Variants in CTNNA3 observed in about 807,000 individuals in gnomAD.
CTNNA3 encodes the protein catenin alpha 3, also known as catenin alpha-3.
A neutral mutation model predicts 95.7 loss-of-function variants in CTNNA3; 76 were observed. That is an observed-to-expected ratio of 0.79 (90% CI 0.66 to 0.96). CTNNA3 has a LOEUF of 0.96. Among genes scored for constraint, CTNNA3 ranks in the 40% least tolerant of loss-of-function variants. The pLI, the probability that CTNNA3 is intolerant of heterozygous loss-of-function variation, is 0.00. For missense variants in CTNNA3, 1,191 were observed against 1,089.8 expected, an observed-to-expected ratio of 1.09 and a Z score of -1.31; for synonymous variants, 431 against 374.4, an observed-to-expected ratio of 1.15 and a Z score of -1.74.
At chr10:67,465,424 G>A (rs1252929790) in intron 5 of CTNNA3, among the ~76,000 whole-genome samples, 1 of 152,004 alleles carries the variant, frequency 6.6e-6, no homozygotes, top group African/African-American at 2.4e-5. Flanking sequence ...GGAAAGGAAA[G>A]GAAAAGAGAG....
intron 16 of CTNNA3, among the ~76,000 whole-genome samples, chr10:65,968,172 T>A (rs1258353198): frequency 1.3e-5 from 2 of 152,084 alleles, no homozygotes; most frequent in African/African-American, 4.8e-5. Flanking sequence ...GGAAAATCCT[T>A]TGAGCCTAGG....
At chr10:66,362,733 A>T (rs1199811679) in intron 12 of CTNNA3, among the ~76,000 whole-genome samples, 1 of 151,940 alleles carries the variant, frequency 6.6e-6, no homozygotes, top group East Asian at 2.0e-4. Flanking sequence ...AAAAAAAAAA[A>T]GGTAATTTGA....
At chr10:66,873,597 A>G (rs1012040862) in intron 7 of CTNNA3, among the ~76,000 whole-genome samples, 1 of 152,082 alleles carries the variant, frequency 6.6e-6, no homozygotes, top group African/African-American at 2.4e-5. Context: ...GAACCCAGAA[A>G]TAAAGCCACA....
chr10:67,346,924 G>A (rs942433381), intron 5 of CTNNA3, among the ~76,000 whole-genome samples: 30 of 151,790 alleles, frequency 2.0e-4, no homozygotes, highest in African/African-American at 6.3e-4. Context: ...TGCCTCCAAG[G>A]GACCACAGAG....
chr10:67,712,925 T>A (rs78937388), intron 1 of CTNNA3, among the ~76,000 whole-genome samples: 2 of 152,086 alleles, frequency 1.3e-5, no homozygotes, highest in Non-Finnish European at 2.9e-5. Context: ...AAAGCCAAAA[T>A]TGATAAATTG....
rs1297705989 is a variant in CTNNA3 at position 66,346,632 on chromosome 10, A to C, written c.1732+32520T>G. ...ACACTTGTTTGGTAACTGCTCTCAC[A>C]ACATAAATTTTGTATGACCAGTAAT... On this transcript the variant is annotated intron_variant, in intron 12 of 17. Coordinates refer to ENST00000433211, the MANE Select transcript of CTNNA3 (RefSeq NM_013266.4). Among the ~76,000 whole-genome samples the C allele has an allele frequency of 8.5e-5, 13 of 152,116 alleles. No individual in the cohort carries two copies. In the East Asian group the frequency reaches 2.5e-3, roughly 29 times the overall value.
intron 13 of CTNNA3, among the ~76,000 whole-genome samples, chr10:66,192,045 C>G (rs1326462074): frequency 1.3e-5 from 2 of 152,146 alleles, no homozygotes; most frequent in African/African-American, 4.8e-5. Flanking sequence ...ATGACAGCCT[C>G]TTGATATTAG....
At chr10:67,073,468 C>T (rs1856573204) in intron 7 of CTNNA3, among the ~76,000 whole-genome samples, 1 of 151,954 alleles carries the variant, frequency 6.6e-6, no homozygotes, top group South Asian at 2.1e-4. Context: ...AAATCCTTTG[C>T]CATCCTGATC....
chr10:66,360,812 C>T (rs200514971), intron 12 of CTNNA3, among the ~76,000 whole-genome samples: 9,503 of 51,692 alleles, frequency 0.18, 1,460 homozygotes, highest in Admixed American at 0.22. Context: ...TTCCTTCCTT[C>T]CTTCCTTTCT....
chr10:65,959,675 C>T (rs931242096), intron 17 of CTNNA3, among the ~76,000 whole-genome samples: 14 of 152,154 alleles, frequency 9.2e-5, no homozygotes, highest in Admixed American at 2.0e-4. Context: ...CAGGCATACA[C>T]CACCACACCT....
chr10:67,335,964 T>G lies in CTNNA3; in HGVS notation c.580-116094A>C, dbSNP rs1358799582. On this transcript the variant is annotated intron_variant, in intron 5 of 17. Transcript: ENST00000433211. ...TATTTTTCCAACACCATGTGCTCAC[T>G]TCCTGTCTCTGTGTCACATTTTGGT... Among the ~76,000 whole-genome samples, 3 of 152,128 alleles carry G rather than the reference T, an allele frequency of 2.0e-5. No individual in the cohort carries two copies. The East Asian group carries it at 5.8e-4, about 29-fold the overall frequency.
chr10:66,237,475 G>C (rs2089910991), intron 13 of CTNNA3, among the ~76,000 whole-genome samples: 2 of 100,102 alleles, frequency 2.0e-5, no homozygotes, highest in Non-Finnish European at 4.3e-5. Flanking sequence ...TAATACAAGA[G>C]ATATTTCTAA....
chr10:67,662,847 A>G (rs962152482), intron 1 of CTNNA3, among the ~76,000 whole-genome samples: 1 of 152,188 alleles, frequency 6.6e-6, no homozygotes, highest in Non-Finnish European at 1.5e-5. Context: ...TGAATTTAAT[A>G]TGGTATATAT....
chr10:66,095,961 G>T (rs1422498530), intron 14 of CTNNA3, among the ~76,000 whole-genome samples: 1 of 152,010 alleles, frequency 6.6e-6, no homozygotes, highest in Non-Finnish European at 1.5e-5. Flanking sequence ...ATCAAGCAAA[G>T]ACTGCATATT....
At chr10:67,655,860 T>C (rs1840009584) in intron 1 of CTNNA3, among the ~76,000 whole-genome samples, 1 of 151,204 alleles carries the variant, frequency 6.6e-6, no homozygotes. Context: ...TCACCATGCC[T>C]CAGAAAAATT....
chr10:66,679,668 T>C (rs4746626), intron 9 of CTNNA3, among the ~76,000 whole-genome samples: 84,168 of 151,908 alleles, frequency 0.55, 24,071 homozygotes, highest in African/African-American at 0.68. Flanking sequence ...AGGCATTGTA[T>C]AAAAATATAC....
At chr10:66,432,393 T>C (rs1285251004) in intron 11 of CTNNA3, among the ~76,000 whole-genome samples, 1 of 152,180 alleles carries the variant, frequency 6.6e-6, no homozygotes, top group Admixed American at 6.5e-5. Flanking sequence ...GTGCGGTGGC[T>C]CACGCCTGTA....
At chr10:66,727,567 T>G (rs1224305632) in intron 9 of CTNNA3, among the ~76,000 whole-genome samples, 1 of 152,144 alleles carries the variant, frequency 6.6e-6, no homozygotes, top group Non-Finnish European at 1.5e-5. Flanking sequence ...TTGATATTAA[T>G]AATTAAAGCA....
intron 7 of CTNNA3, among the ~76,000 whole-genome samples, chr10:67,130,805 G>A (rs959060129): frequency 2.6e-5 from 4 of 151,988 alleles, no homozygotes; most frequent in East Asian, 1.9e-4. Flanking sequence ...CCTGGTAGAC[G>A]ATATCCAACA....
Sources: gnomAD v4.1 joint callset for allele counts (sites outside exome capture counted in the v4.1 genomes callset) on GRCh38, gnomAD v4.1.1 for gene constraint, MANE v1.5 for transcripts, NCBI Gene and HGNC (gene_info 2026-07-23, HGNC 2026-07-21) for gene names.